The following EXT1 variants were observed in gnomAD, a reference collection of about 807,000 sequenced individuals.
EXT1 encodes exostosin glycosyltransferase 1, also known as exostosin-1.
Under a neutral mutation model 82.5 loss-of-function variants are expected in EXT1, and 20 were observed. The ratio of observed to expected loss-of-function variants is 0.24; its 90% confidence interval spans 0.17 to 0.35. The LOEUF (loss-of-function observed/expected upper bound fraction) is 0.35, where lower values mean the gene tolerates loss of function less well. Among genes scored for constraint, EXT1 ranks in the 10% least tolerant of loss-of-function variants. The probability of loss-of-function intolerance (pLI) is 1.00; values close to 1 mark genes in which losing one functional copy is unlikely to be tolerated. For missense variants in EXT1, 757 were observed against 936.5 expected, an observed-to-expected ratio of 0.81 and a Z score of 2.50; for synonymous variants, 348 against 350.8, an observed-to-expected ratio of 0.99 and a Z score of 0.09.
chr8:117,897,986 C>T (rs890178976), intron 1 of EXT1, among the ~76,000 whole-genome samples: 3 of 152,144 alleles, frequency 2.0e-5, no homozygotes, highest in South Asian at 4.1e-4. Context: ...GAACATAAGG[C>T]ATGGCACAAA....
At chr8:118,035,219 A>G (rs1188) in intron 1 of EXT1, among the ~76,000 whole-genome samples, 72,396 of 151,880 alleles carry the variant, frequency 0.48, 18,083 homozygotes, top group African/African-American at 0.61. Flanking sequence ...GTCCTACTCA[A>G]TGTGGTTTGC....
At chr8:117,878,021 C>G (rs1813000351) in intron 1 of EXT1, among the ~76,000 whole-genome samples, 1 of 152,026 alleles carries the variant, frequency 6.6e-6, no homozygotes, top group South Asian at 2.1e-4. Context: ...ACGTATAATC[C>G]CAGCACTTTG....
At chr8:118,067,185 C>G (rs1214854053) in intron 1 of EXT1, among the ~76,000 whole-genome samples, 4 of 152,232 alleles carry the variant, frequency 2.6e-5, no homozygotes, top group African/African-American at 9.6e-5. Flanking sequence ...TTCAAGAAGT[C>G]TGGCATTTTT....
intron 3 of EXT1, among the ~76,000 whole-genome samples, chr8:117,834,293 A>G (rs904125602): frequency 2.6e-5 from 4 of 152,156 alleles, no homozygotes; most frequent in African/African-American, 9.7e-5. Flanking sequence ...GGGCAGCAGC[A>G]CAGAAGGAGA....
intron 1 of EXT1, among the ~76,000 whole-genome samples, chr8:117,886,181 T>C (rs1813144735): frequency 6.6e-6 from 1 of 152,252 alleles, no homozygotes; most frequent in Non-Finnish European, 1.5e-5. Context: ...TATATAAAAT[T>C]GTACCTTGTA....
intron 5 of EXT1, 64 bp downstream of exon 5, chr8:117,822,401 C>T (rs987404319): frequency 3.2e-5 from 50 of 1,572,260 alleles, no homozygotes; most frequent in Non-Finnish European, 3.8e-5. Flanking sequence ...AGAATAAAGG[C>T]CTTTAGTTCT....
intron 1 of EXT1, among the ~76,000 whole-genome samples, chr8:118,062,242 G>C (rs112073692): frequency 6.6e-5 from 10 of 152,276 alleles, no homozygotes; most frequent in Non-Finnish European, 1.5e-4. Flanking sequence ...TAAACTACAT[G>C]GACAGCTCAC....
chr8:117,857,720 A>C (rs1812591245), intron 1 of EXT1, among the ~76,000 whole-genome samples: 1 of 152,172 alleles, frequency 6.6e-6, no homozygotes, highest in African/African-American at 2.4e-5. Flanking sequence ...AAACAAAGTA[A>C]TTTTAACTTT....
intron 1 of EXT1, among the ~76,000 whole-genome samples, chr8:118,027,251 GACAA>G (rs541764690): frequency 1.3e-5 from 2 of 151,406 alleles, no homozygotes; most frequent in African/African-American, 4.8e-5. Flanking sequence ...ATTAAGAAAG[GACAA>G]ACAGACTTCC....
chr8:117,876,026 A>T (rs1812963495), intron 1 of EXT1, among the ~76,000 whole-genome samples: 1 of 152,246 alleles, frequency 6.6e-6, no homozygotes, highest in Non-Finnish European at 1.5e-5. Flanking sequence ...AAATATTCTG[A>T]GCACCTATCC....
intron 1 of EXT1, among the ~76,000 whole-genome samples, chr8:118,033,176 G>C (rs1405512393): frequency 1.3e-5 from 2 of 152,128 alleles, no homozygotes; most frequent in East Asian, 3.9e-4. Flanking sequence ...ATTTGATGTT[G>C]AGACCCCTGC....
At chr8:117,836,126 T>C (rs1442522563) in intron 2 of EXT1, among the ~76,000 whole-genome samples, 1 of 152,216 alleles carries the variant, frequency 6.6e-6, no homozygotes, top group Non-Finnish European at 1.5e-5. Flanking sequence ...ACCACAGTCA[T>C]ACCAATTTAT....
At chr8:117,807,436 C>T in intron 8 of EXT1, 59 bp from the exon 9 acceptor site, 1 of 1,584,058 alleles carries the variant, frequency 6.3e-7, no homozygotes, top group East Asian at 2.2e-5. Context: ...GTCAACAAAA[C>T]ATTACCTTCT....
intron 1 of EXT1, among the ~76,000 whole-genome samples, chr8:117,868,477 G>C (rs1229246010): frequency 1.3e-5 from 2 of 151,942 alleles, no homozygotes; most frequent in Admixed American, 6.6e-5. Context: ...TTTGAGACAG[G>C]GTCTCATTCT....
chr8:117,906,057 ACT>A (rs1309472539), intron 1 of EXT1, among the ~76,000 whole-genome samples: 1 of 151,874 alleles, frequency 6.6e-6, no homozygotes, highest in African/African-American at 2.4e-5. Context: ...CATAAAACCA[ACT>A]CTGCTTCCTC....
chr8:117,879,626 A>T (rs543007885), intron 1 of EXT1, among the ~76,000 whole-genome samples: 2 of 152,344 alleles, frequency 1.3e-5, no homozygotes, highest in East Asian at 3.9e-4. Flanking sequence ...TACAGGAAAG[A>T]CATACCTTAG....
At chr8:117,866,593 T>C (rs1812777770) in intron 1 of EXT1, among the ~76,000 whole-genome samples, 2 of 152,172 alleles carry the variant, frequency 1.3e-5, no homozygotes, top group South Asian at 2.1e-4. Context: ...GTGTGATGAT[T>C]TATGCAGGAA....
intron 1 of EXT1, among the ~76,000 whole-genome samples, chr8:117,862,990 G>C (rs887233368): frequency 3.9e-5 from 6 of 152,112 alleles, no homozygotes; most frequent in Non-Finnish European, 8.8e-5. Flanking sequence ...AGTGGTGGAG[G>C]TGTTGGCAGA....
At chr8:117,836,348 G>A (rs1349183686) in intron 2 of EXT1, among the ~76,000 whole-genome samples, 1 of 152,168 alleles carries the variant, frequency 6.6e-6, no homozygotes, top group Non-Finnish European at 1.5e-5. Flanking sequence ...CTGTTGGAGG[G>A]CATGACAGAA....
Sources: allele counts gnomAD v4.1 joint callset (sites outside exome capture counted in the v4.1 genomes callset), GRCh38; gene constraint gnomAD v4.1.1; transcripts MANE v1.5; gene names NCBI Gene and HGNC (gene_info 2026-07-23, HGNC 2026-07-21).